The following MAGI1 variants were observed in gnomAD, a reference collection of about 807,000 sequenced individuals.
MAGI1 encodes the protein membrane associated guanylate kinase, WW and PDZ domain containing 1.
In MAGI1, 58 loss-of-function variants were observed where a neutral mutation model predicts 139.9. That is an observed-to-expected ratio of 0.41 (90% CI 0.34 to 0.52). The LOEUF (loss-of-function observed/expected upper bound fraction) is 0.52, where lower values mean the gene tolerates loss of function less well. Ranked by LOEUF, MAGI1 falls within the 20% of genes least tolerant of loss-of-function variation. The probability of loss-of-function intolerance (pLI) is 0.12; values close to 1 mark genes in which losing one functional copy is unlikely to be tolerated. For synonymous variants in MAGI1, 812 were observed against 737.9 expected, an observed-to-expected ratio of 1.10 and a Z score of -1.63; for missense variants, 1,874 against 1,901.6, an observed-to-expected ratio of 0.99 and a Z score of 0.27.
intron 1 of MAGI1, among the ~76,000 whole-genome samples, chr3:65,814,174 T>G (rs569218407): frequency 1.3e-5 from 2 of 152,280 alleles, no homozygotes; most frequent in Non-Finnish European, 2.9e-5. Context: ...TATAGATTAC[T>G]CTGCCAGACA....
At chr3:65,480,464 AG>A (rs1951203565) in intron 3 of MAGI1, among the ~76,000 whole-genome samples, 1 of 151,830 alleles carries the variant, frequency 6.6e-6, no homozygotes, top group Admixed American at 6.6e-5. Flanking sequence ...AAGCCTGGGA[AG>A]TCAAGGATAC....
chr3:66,026,812 T>C (rs2068289950), intron 1 of MAGI1, among the ~76,000 whole-genome samples: 1 of 149,114 alleles, frequency 6.7e-6, no homozygotes, highest in African/African-American at 2.5e-5. Context: ...TGGGAAACCA[T>C]TTTTTATTTA....
chr3:65,659,222 T>A (rs773937220), intron 1 of MAGI1, among the ~76,000 whole-genome samples: 1 of 151,364 alleles, frequency 6.6e-6, no homozygotes, highest in Non-Finnish European at 1.5e-5. Flanking sequence ...GAAAAAAAAA[T>A]GACATGAAAA....
intron 1 of MAGI1, among the ~76,000 whole-genome samples, chr3:65,664,360 C>A (rs2086380501): frequency 6.6e-6 from 1 of 152,136 alleles, no homozygotes. Flanking sequence ...GCTAATAGCG[C>A]TTATTCAGAG....
intron 1 of MAGI1, among the ~76,000 whole-genome samples, chr3:65,839,286 T>C (rs187957780): frequency 6.6e-6 from 1 of 152,308 alleles, no homozygotes; most frequent in African/African-American, 2.4e-5. Context: ...CTGCCAGACA[T>C]AGAAAAGTAC....
At chr3:65,973,209 T>C (rs1295932555) in intron 1 of MAGI1, among the ~76,000 whole-genome samples, 1 of 152,114 alleles carries the variant, frequency 6.6e-6, no homozygotes, top group African/African-American at 2.4e-5. Context: ...TTTGTTCTCC[T>C]CTCAGCAGAA....
At chr3:65,895,477 A>AGAATTCT (rs2060930800) in intron 1 of MAGI1, among the ~76,000 whole-genome samples, 4 of 152,252 alleles carry the variant, frequency 2.6e-5, no homozygotes, top group Non-Finnish European at 5.9e-5. Flanking sequence ...CAAAAGTACT[A>AGAATTCT]CAATTCATTC....
chr3:66,004,664 T>C (rs987586433), intron 1 of MAGI1, among the ~76,000 whole-genome samples: 7 of 152,194 alleles, frequency 4.6e-5, no homozygotes, highest in Middle Eastern at 3.2e-3. Context: ...GTATCTGGCA[T>C]GGGAGCTATT....
intron 1 of MAGI1, among the ~76,000 whole-genome samples, chr3:65,781,894 AACC>A (rs2038964449): frequency 2.2e-5 from 1 of 45,274 alleles, no homozygotes; most frequent in Non-Finnish European, 7.0e-5. Context: ...CTGACTGGGG[AACC>A]CCCCCTCACT....
At chr3:65,833,323 T>C (rs940888447) in intron 1 of MAGI1, among the ~76,000 whole-genome samples, 3 of 152,098 alleles carry the variant, frequency 2.0e-5, no homozygotes, top group African/African-American at 7.2e-5. Context: ...TTCACCATAT[T>C]GGCCAGGCTG....
chr3:65,528,164 G>A (rs567191209), intron 2 of MAGI1, among the ~76,000 whole-genome samples: 1 of 152,084 alleles, frequency 6.6e-6, no homozygotes, highest in South Asian at 2.1e-4. Context: ...CCTTGAAAAA[G>A]GTGTTCTGAA....
At chr3:65,433,052 G>A (rs187576696) in intron 10 of MAGI1, among the ~76,000 whole-genome samples, 8 of 151,666 alleles carry the variant, frequency 5.3e-5, no homozygotes, top group African/African-American at 1.7e-4. Context: ...ATGCATGAGT[G>A]GCATTGATAT....
chr3:65,393,671 C>A (rs1200341816), intron 13 of MAGI1, among the ~76,000 whole-genome samples: 4 of 152,088 alleles, frequency 2.6e-5, no homozygotes, highest in Admixed American at 6.5e-5. Context: ...TTCAAAGGAC[C>A]ACTCTCTTTT....
chr3:65,720,681 T>C (rs897275158), intron 1 of MAGI1, among the ~76,000 whole-genome samples: 4 of 152,168 alleles, frequency 2.6e-5, no homozygotes, highest in Admixed American at 1.3e-4. Context: ...AAGTTCAGGA[T>C]AGATAGATCT....
intron 13 of MAGI1, among the ~76,000 whole-genome samples, chr3:65,391,861 G>A (rs1422062228): frequency 6.6e-6 from 1 of 151,382 alleles, no homozygotes; most frequent in African/African-American, 2.4e-5. Context: ...CATTCTTTTC[G>A]ACTATTAAAA....
rs1156361726 is a variant in MAGI1 at position 65,473,188 on chromosome 3, C to G, written c.758-2704G>C. Among the ~76,000 whole-genome samples the G allele has an allele frequency of 2.0e-5, 3 of 152,276 alleles. No individual in the cohort carries two copies. The East Asian group carries it at 5.8e-4, about 29-fold the overall frequency. On this transcript the variant is annotated intron_variant, in intron 4 of 22. Transcript: ENST00000402939. ...TCATCAAAATTATGATTAATTTTGT[C>G]TTCAGGCCAGACCTGTCCCCCAGCC...
At chr3:65,629,162 C>T (rs1462160532) in intron 1 of MAGI1, among the ~76,000 whole-genome samples, 2 of 152,004 alleles carry the variant, frequency 1.3e-5, no homozygotes, top group Admixed American at 1.3e-4. Flanking sequence ...ATCTCTATCT[C>T]CTAGGATAGA....
At position 65,356,108 on chromosome 3, in the gene MAGI1, A is replaced by G. The variant is rs900146698; in HGVS notation, c.*270T>C. 6.2e-5 allele frequency: 18 copies of G among 289,712 alleles called. No homozygotes were observed. The highest frequency in any genetic ancestry group is 9.4e-5 in the Non-Finnish European group (15 of 159,368). 17.9% of individuals were successfully genotyped at this position (289,712 alleles called of 1,614,324 possible). A position where few individuals can be genotyped will look rare whatever the true frequency, so the allele number is the denominator to read the frequency against. On this transcript the variant is annotated 3_prime_UTR_variant, in exon 23 of 23. Transcript: ENST00000402939. ...ACGATTCTACAGGTTACGTAGAAAC[A>G]AAATTTATATCCCTTTGGGCCAGCA...
At chr3:65,692,666 C>T (rs1057150487) in intron 1 of MAGI1, among the ~76,000 whole-genome samples, 2 of 152,012 alleles carry the variant, frequency 1.3e-5, no homozygotes, top group East Asian at 1.9e-4. Context: ...AAAGGTGGGA[C>T]CTTTGGCAAG....
Sources: allele counts gnomAD v4.1 joint callset (sites outside exome capture counted in the v4.1 genomes callset), GRCh38; gene constraint gnomAD v4.1.1; transcripts MANE v1.5; gene names NCBI Gene and HGNC (gene_info 2026-07-23, HGNC 2026-07-21).